TENM4: variants seen among roughly 807,000 people sequenced by gnomAD.
TENM4 encodes the protein teneurin-4.
Under a neutral mutation model 243.3 loss-of-function variants are expected in TENM4, and 82 were observed. The observed-to-expected ratio is 0.34, with a 90% CI of 0.28 to 0.40. The LOEUF (loss-of-function observed/expected upper bound fraction) is 0.40. TENM4 is among the 10% of genes least tolerant of loss of function. The pLI is 1.00. For missense variants in TENM4, 3,138 were observed against 3,673.3 expected, an observed-to-expected ratio of 0.85 and a Z score of 3.77; for synonymous variants, 1,412 against 1,456.3, an observed-to-expected ratio of 0.97 and a Z score of 0.69.
chr11:79,348,008 G>T lies in TENM4; in HGVS notation c.-320-50465C>A, dbSNP rs549207417. Among the ~76,000 whole-genome samples, 87 of 151,764 alleles carry T rather than the reference G, an allele frequency of 5.7e-4. 2 individuals carry two copies. Among genetic ancestry groups the T allele is most frequent in the Admixed American group, 6.6e-4 (10 of 15,264 alleles). On this transcript the variant is annotated intron_variant, in intron 1 of 33. Coordinates refer to ENST00000278550, the MANE Select transcript of TENM4 (RefSeq NM_001098816.3). Reference sequence around the variant, plus strand: ...GTTAGCCAGGATGGTCTCGATCTCCGGACCTCATGATCCACCCGCCTCGGC... The same window carrying T: ...GTTAGCCAGGATGGTCTCGATCTCCTGACCTCATGATCCACCCGCCTCGGC...
chr11:78,756,932 C>T lies in TENM4; in HGVS notation c.2629G>A (p.Asp877Asn). 6.2e-7 allele frequency: 1 copy of T among 1,613,876 alleles called. No individual in the cohort carries two copies. The highest frequency in any genetic ancestry group is 8.5e-7 in the Non-Finnish European group (1 of 1,179,882). ...PLCLGSPNPL[D>N]IIQETQVPVS... is the part of the protein sequence containing the mutation. The stretch of plus-strand genomic sequence containing the variant: ...GGGACCTGTGTCTCCTGGATGATGT[C>T]CAGAGGGTTAGGGGAGCCAAGGCAC... Residue 877 changes from aspartate (D) to asparagine (N), a missense_variant, in exon 19 of 34, where the codon GAC becomes AAC. This residue lies in a region of TENM4 where 2,467 missense variants were observed against 3,059.1 expected (regional missense o/e 0.81). Coordinates refer to ENST00000278550, the MANE Select transcript of TENM4 (RefSeq NM_001098816.3).
chr11:79,281,500 A>C (rs999927025), intron 2 of TENM4, among the ~76,000 whole-genome samples: 2 of 152,202 alleles, frequency 1.3e-5, no homozygotes, highest in African/African-American at 2.4e-5. Flanking sequence ...CAAGGTCCTT[A>C]TTTTATCACT....
chr11:79,033,948 T>G (rs1406066044), intron 6 of TENM4, among the ~76,000 whole-genome samples: 1 of 152,166 alleles, frequency 6.6e-6, no homozygotes, highest in Non-Finnish European at 1.5e-5. Flanking sequence ...CTTACCACAA[T>G]CATTAATCAT....
At chr11:79,428,123 G>A (rs1354378174) in intron 1 of TENM4, among the ~76,000 whole-genome samples, 1 of 152,112 alleles carries the variant, frequency 6.6e-6, no homozygotes, top group Non-Finnish European at 1.5e-5. Flanking sequence ...AACATCTCCT[G>A]GAAGCTTGTC....
rs150221779 is a variant in TENM4 at position 79,112,901 on chromosome 11, A to C, written c.-66+35809T>G. Among the ~76,000 whole-genome samples, 4 of 152,176 alleles carry C rather than the reference A, an allele frequency of 2.6e-5. No individual in the cohort carries two copies. The East Asian group carries it at 7.7e-4, about 29-fold the overall frequency. On this transcript the variant is annotated intron_variant, in intron 4 of 33. Transcript: ENST00000278550. Reference sequence around the variant, plus strand: ...CTTATACTTCAAATGTCCTCTCTGCACCAACAAGCCGTTCATATTGACAAA... The same window carrying C: ...CTTATACTTCAAATGTCCTCTCTGCCCCAACAAGCCGTTCATATTGACAAA...
intron 1 of TENM4, among the ~76,000 whole-genome samples, chr11:79,336,064 G>A (rs1383192421): frequency 6.6e-6 from 1 of 152,114 alleles, no homozygotes; most frequent in Admixed American, 6.5e-5. Flanking sequence ...TAAAGCTCAG[G>A]GGACTTGAAT....
rs1196723818 is a variant in TENM4 at position 78,889,813 on chromosome 11, A to C, written c.1056T>G (p.Thr352=). ...AALSAIVISA[T]LVILLAYFVA... is the part of the protein sequence containing the mutation. Reference sequence around the variant, plus strand: ...CAAAGTATGCCAGCAGGATGACCAGAGTGGCTGAGATGACGATGGCGCTCA... The same window carrying C: ...CAAAGTATGCCAGCAGGATGACCAGCGTGGCTGAGATGACGATGGCGCTCA... Residue 352 remains threonine, a synonymous_variant, in exon 9 of 34, where the codon ACT becomes ACG. Coordinates refer to ENST00000278550, the MANE Select transcript of TENM4 (RefSeq NM_001098816.3). The C allele has an allele frequency of 1.3e-6, 2 of 1,551,824 alleles. No homozygotes were observed. The highest frequency in any genetic ancestry group is 1.7e-6 in the Non-Finnish European group (2 of 1,147,046).
chr11:79,325,576 T>A (rs988934970), intron 1 of TENM4, among the ~76,000 whole-genome samples: 1 of 152,164 alleles, frequency 6.6e-6, no homozygotes, highest in African/African-American at 2.4e-5. Flanking sequence ...GTCAAATGCC[T>A]CTCTGTCGAG....
At chr11:79,235,866 G>A (rs544074652) in intron 2 of TENM4, among the ~76,000 whole-genome samples, 1 of 152,114 alleles carries the variant, frequency 6.6e-6, no homozygotes, top group Non-Finnish European at 1.5e-5. Context: ...TGGTAAGAAT[G>A]AGGACTTTTT....
intron 3 of TENM4, among the ~76,000 whole-genome samples, chr11:79,187,810 G>A (rs1255110438): frequency 6.6e-6 from 1 of 152,168 alleles, no homozygotes; most frequent in African/African-American, 2.4e-5. Context: ...AGGACATGGT[G>A]GGAAGACAGC....
chr11:78,865,752 G>A lies in TENM4; in HGVS notation c.1085-2620C>T, dbSNP rs977005858. Among the ~76,000 whole-genome samples the A allele has an allele frequency of 3.3e-5, 5 of 152,222 alleles. 1 individual carries two copies. Among genetic ancestry groups the A allele is most frequent in the Non-Finnish European group, 1.5e-5 (1 of 68,006 alleles). On this transcript the variant is annotated intron_variant, in intron 9 of 33. Coordinates refer to ENST00000278550, the MANE Select transcript of TENM4 (RefSeq NM_001098816.3). The stretch of plus-strand genomic sequence containing the variant: ...CGCTCGGGTGAAAGCAACGAGATCC[G>A]ACACTTTGCTTTTTTCTTTGGTTAC...
At chr11:79,292,727 C>T (rs1856377744) in intron 2 of TENM4, among the ~76,000 whole-genome samples, 1 of 152,244 alleles carries the variant, frequency 6.6e-6, no homozygotes. Context: ...GTCCCATTCC[C>T]AGCTCAGCCA....
intron 12 of TENM4, among the ~76,000 whole-genome samples, chr11:78,828,661 T>C (rs1275241263): frequency 6.6e-6 from 1 of 152,240 alleles, no homozygotes; most frequent in Non-Finnish European, 1.5e-5. Context: ...TTAGAGATCA[T>C]GGTAATGTAA....
intron 6 of TENM4, among the ~76,000 whole-genome samples, chr11:79,044,139 A>C (rs1859602076): frequency 6.6e-6 from 1 of 152,232 alleles, no homozygotes; most frequent in Non-Finnish European, 1.5e-5. Context: ...ATTAGACCAA[A>C]TATATGTTTA....
intron 15 of TENM4, among the ~76,000 whole-genome samples, chr11:78,788,729 G>T (rs1354165671): frequency 3.3e-5 from 5 of 152,232 alleles, no homozygotes; most frequent in Non-Finnish European, 7.3e-5. Flanking sequence ...GGGAGTCTAG[G>T]AGGTTTGTGA....
chr11:78,792,434 T>G (rs1565380877), intron 15 of TENM4, among the ~76,000 whole-genome samples: 1 of 152,106 alleles, frequency 6.6e-6, no homozygotes. Flanking sequence ...CTTACAGAGT[T>G]CTTGATTGAA....
At chr11:79,298,708 C>T (rs1590861590) in intron 1 of TENM4, among the ~76,000 whole-genome samples, 11 of 152,076 alleles carry the variant, frequency 7.2e-5, no homozygotes, top group Admixed American at 6.6e-4. Flanking sequence ...ATCCTTATAA[C>T]CACCCTGGGA....
At chr11:78,752,724 C>G (rs902027493) in intron 19 of TENM4, among the ~76,000 whole-genome samples, 1 of 152,160 alleles carries the variant, frequency 6.6e-6, no homozygotes, top group Non-Finnish European at 1.5e-5. Context: ...GGGCTCCACT[C>G]TAACAAGGAT....
chr11:78,738,461 G>T lies in TENM4; in HGVS notation c.2866C>A (p.Gln956Lys). ...TAGAAGGTCTCCTACCTGCCATCTT[G>T]CCTGCTGATTGTATATCCAAAGAGA... The part of the protein sequence containing the change: ...NPLFGYTISR[Q>K]DGSFDLVTNG... Residue 956 changes from glutamine (Q) to lysine (K), a missense_variant, in exon 20 of 34, where the codon CAA becomes AAA. Physicochemically the swap from Gln to Lys is moderately conservative, Grantham distance 53. Around this residue, in one of 2 missense-constraint regions of TENM4, gnomAD observed 2,467 missense variants for 3,059.1 expected, o/e 0.81. Transcript: ENST00000278550. The T allele has an allele frequency of 6.2e-7, 1 of 1,613,672 alleles. No homozygotes were observed. Among genetic ancestry groups the T allele is most frequent in the Non-Finnish European group, 8.5e-7 (1 of 1,179,764 alleles).
Sources: gnomAD v4.1 joint callset for allele counts (sites outside exome capture counted in the v4.1 genomes callset) on GRCh38, gnomAD v4.1.1 for gene constraint, gnomAD v4.1.1 regional missense constraint, MANE v1.5 for transcripts, NCBI Gene and HGNC (gene_info 2026-07-23, HGNC 2026-07-21) for gene names.